ARHGAP39: variants seen among roughly 807,000 people sequenced by gnomAD.
ARHGAP39 encodes Rho GTPase activating protein 39, also known as rho GTPase-activating protein 39.
A neutral mutation model predicts 106.9 loss-of-function variants in ARHGAP39; 44 were observed. The observed-to-expected ratio is 0.41, with a 90% CI of 0.32 to 0.53. ARHGAP39 has a LOEUF of 0.53. Ranked by LOEUF, ARHGAP39 falls within the 20% of genes least tolerant of loss-of-function variation. The pLI, the probability that ARHGAP39 is intolerant of heterozygous loss-of-function variation, is 0.21. For synonymous variants in ARHGAP39, 768 were observed against 693.2 expected, an observed-to-expected ratio of 1.11 and a Z score of -1.69; for missense variants, 1,496 against 1,577.3, an observed-to-expected ratio of 0.95 and a Z score of 0.87.
chr8:144,547,907 C>T lies in ARHGAP39; in HGVS notation c.1179G>A (p.Glu393=). 1.3e-6 allele frequency: 2 copies of T among 1,585,278 alleles called. No homozygotes were observed. The highest frequency in any genetic ancestry group is 1.3e-5 in the African/African-American group (1 of 74,396). The change falls in exon 5 of 12, where the codon GAG becomes GAA. Residue 393 remains glutamate (E), a synonymous_variant. Coordinates refer to ENST00000377307, the MANE Select transcript of ARHGAP39 (RefSeq NM_025251.3). This position sits in a 1 kb window ranked among gnomAD's most constrained non-coding sequence, Gnocchi z 5.2. ...CCACGTAGACCAGCTGCCGCACGTA[C>T]TCCTTGCCGGCGGGACTGTACTCCA... ...LSLEYSPAGK[E]YVRQLVYVEQ... is the part of the protein sequence containing the mutation.
intron 3 of ARHGAP39, among the ~76,000 whole-genome samples, chr8:144,580,475 GACAAGAA>G (rs1442285363): frequency 6.6e-6 from 1 of 152,210 alleles, no homozygotes; most frequent in Non-Finnish European, 1.5e-5. Context: ...TGCCCAGAGA[GACAAGAA>G]AGTGCTCACT....
At chr8:144,541,141 G>A (rs760193855) in intron 6 of ARHGAP39, among the ~76,000 whole-genome samples, 3 of 152,194 alleles carry the variant, frequency 2.0e-5, no homozygotes, top group African/African-American at 7.2e-5. Context: ...GTGAGCCACC[G>A]CGCCTGGACT....
chr8:144,578,800 C>T (rs1222427390), intron 3 of ARHGAP39, among the ~76,000 whole-genome samples: 2 of 151,852 alleles, frequency 1.3e-5, no homozygotes, highest in Non-Finnish European at 1.5e-5. Flanking sequence ...AGTGAGATTG[C>T]ACCACTGCAC....
chr8:144,561,341 CAT>C (rs1818141803), intron 3 of ARHGAP39, among the ~76,000 whole-genome samples: 1 of 151,846 alleles, frequency 6.6e-6, no homozygotes, highest in Non-Finnish European at 1.5e-5. Context: ...CTTTCCATCA[CAT>C]CCCAGTGGTT....
intron 2 of ARHGAP39, among the ~76,000 whole-genome samples, chr8:144,583,507 C>T (rs965721841): frequency 7.2e-5 from 11 of 152,250 alleles, no homozygotes; most frequent in Admixed American, 4.6e-4. Flanking sequence ...CATCCTGTGC[C>T]GTCTCCCCAG....
chr8:144,627,005 T>C (rs943125041), intron 1 of ARHGAP39, among the ~76,000 whole-genome samples: 1 of 151,812 alleles, frequency 6.6e-6, no homozygotes, highest in East Asian at 1.9e-4. Context: ...GGGGAGAGGA[T>C]CCCCCCGCAA....
At chr8:144,531,185 G>C (rs187317761) in intron 10 of ARHGAP39, among the ~76,000 whole-genome samples, 1 of 151,392 alleles carries the variant, frequency 6.6e-6, no homozygotes, top group African/African-American at 2.4e-5. Flanking sequence ...GAAGGGCACA[G>C]GGCAGAGAGC....
chr8:144,650,175 C>T (rs1286202455), intron 1 of ARHGAP39, among the ~76,000 whole-genome samples: 2 of 151,928 alleles, frequency 1.3e-5, no homozygotes, highest in African/African-American at 2.4e-5. Context: ...TTCCTGGACA[C>T]ATACACCCTC....
chr8:144,616,748 C>T (rs1467863926), intron 1 of ARHGAP39, among the ~76,000 whole-genome samples: 6 of 152,230 alleles, frequency 3.9e-5, no homozygotes, highest in African/African-American at 7.2e-5. Context: ...CCACGAAGGA[C>T]GGCGAGTGCC....
chr8:144,541,968 T>TG (rs986552895), intron 6 of ARHGAP39, among the ~76,000 whole-genome samples: 1 of 96,068 alleles, frequency 1.0e-5, no homozygotes, highest in Admixed American at 8.6e-5. Context: ...CATTCCTTTC[T>TG]GGGTTTTTTT....
chr8:144,685,926 A>C (rs1330798214), upstream of ARHGAP39, among the ~76,000 whole-genome samples: 2 of 150,070 alleles, frequency 1.3e-5, no homozygotes, highest in African/African-American at 2.4e-5. Context: ...ACCCGCCGCC[A>C]GGGGGCACTG....
At chr8:144,559,429 G>C (rs1586905012) in intron 3 of ARHGAP39, among the ~76,000 whole-genome samples, 1 of 147,728 alleles carries the variant, frequency 6.8e-6, no homozygotes, top group East Asian at 2.0e-4. Flanking sequence ...ATGGATTCTG[G>C]AATGCAACAG....
intron 2 of ARHGAP39, among the ~76,000 whole-genome samples, chr8:144,598,910 T>G (rs915296727): frequency 1.3e-5 from 2 of 152,132 alleles, no homozygotes; most frequent in South Asian, 4.1e-4. Context: ...AATTTGAGCA[T>G]GAAAAGATAA....
chr8:144,541,284 C>G (rs558032455), intron 6 of ARHGAP39, among the ~76,000 whole-genome samples: 6 of 152,240 alleles, frequency 3.9e-5, no homozygotes, highest in African/African-American at 7.2e-5. Context: ...TTCCCACCAT[C>G]GGCCCAGGAT....
intron 3 of ARHGAP39, among the ~76,000 whole-genome samples, chr8:144,561,941 CACTCCAGTGGTTTCCATCGG>C (rs1564848925): frequency 2.0e-4 from 29 of 145,148 alleles, no homozygotes; most frequent in South Asian, 4.4e-4. Flanking sequence ...GTTTCCATCA[CACTCCAGTGGTTTCCATCGG>C]ACTCCAGTGG....
chr8:144,544,465 GGTGT>G (rs969235692), intron 6 of ARHGAP39, among the ~76,000 whole-genome samples: 1 of 152,240 alleles, frequency 6.6e-6, no homozygotes, highest in African/African-American at 2.4e-5. Flanking sequence ...TGACCTGGAG[GGTGT>G]GTGTGCGTGC....
chr8:144,583,069 G>A (rs185528681), intron 2 of ARHGAP39, among the ~76,000 whole-genome samples: 1 of 151,940 alleles, frequency 6.6e-6, no homozygotes, highest in Non-Finnish European at 1.5e-5. Context: ...CAAACCACAC[G>A]CAACAGGGGC....
At position 144,548,498 on chromosome 8, in the gene ARHGAP39, G is replaced by C. The variant is rs773630427; in HGVS notation, c.597-9C>G. 1.9e-6 allele frequency: 3 copies of C among 1,604,546 alleles called. No individual in the cohort carries two copies. Among genetic ancestry groups the C allele is most frequent in the South Asian group, 1.1e-5 (1 of 90,452 alleles). On this transcript the variant is annotated splice_polypyrimidine_tract_variant and intron_variant, in intron 4 of 11. Coordinates refer to ENST00000377307, the MANE Select transcript of ARHGAP39 (RefSeq NM_025251.3). The surrounding 1 kb of genome is among the most constrained non-coding windows in gnomAD (Gnocchi z 7.4). ...ACCGCAGCGAGGAGGTCCTGCGTGG[G>C]GGGTGGACGGGCACAGGTGACTGCC...
At chr8:144,627,322 G>A (rs971000105) in intron 1 of ARHGAP39, among the ~76,000 whole-genome samples, 3 of 152,166 alleles carry the variant, frequency 2.0e-5, no homozygotes, top group African/African-American at 4.8e-5. Context: ...TTGGGAGGCC[G>A]AGGCAGGTGG....
Sources: allele counts gnomAD v4.1 joint callset (sites outside exome capture counted in the v4.1 genomes callset), GRCh38; gene constraint gnomAD v4.1.1; non-coding constraint Gnocchi (gnomAD v3.1); transcripts MANE v1.5; gene names NCBI Gene and HGNC (gene_info 2026-07-23, HGNC 2026-07-21).